The following FRMPD4 variants were observed in gnomAD, a reference collection of about 807,000 sequenced individuals.
FRMPD4 encodes the protein FERM and PDZ domain containing 4, also known as FERM and PDZ domain-containing protein 4.
In FRMPD4, 22 loss-of-function variants were observed where a neutral mutation model predicts 94.1. That is an observed-to-expected ratio of 0.23 (90% CI 0.17 to 0.33). The LOEUF (loss-of-function observed/expected upper bound fraction) is 0.33. Among genes scored for constraint, FRMPD4 ranks in the 10% least tolerant of loss-of-function variants. The pLI is 1.00. For synonymous variants in FRMPD4, 631 were observed against 548.6 expected, an observed-to-expected ratio of 1.15 and a Z score of -2.10; for missense variants, 1,111 against 1,339.9, an observed-to-expected ratio of 0.83 and a Z score of 2.67.
At chrX:12,332,201 T>TAG (rs1407135134) in intron 1 of FRMPD4, among the ~76,000 whole-genome samples, 8 of 67,862 alleles carry the variant, frequency 1.2e-4, no homozygotes, top group East Asian at 7.1e-4. Flanking sequence ...TATATATATA[T>TAG]ATATATAGAG....
intron 1 of FRMPD4, among the ~76,000 whole-genome samples, chrX:12,364,219 G>A (rs1006829288): frequency 3.6e-5 from 4 of 111,507 alleles, no homozygotes; most frequent in African/African-American, 1.3e-4. Context: ...CAGATCAGGA[G>A]ATGACTGCCA....
chrX:12,706,932 T>TC lies in FRMPD4; in HGVS notation c.1287+17_1287+18insC, dbSNP rs2041886976. ...ACATTAGTGGTAATTTCTTTTTTTT[T>TC]TTTTTTTTTGCTTTCTCTTGGAAGC... On this transcript the variant is annotated intron_variant, in intron 12 of 16. Coordinates refer to ENST00000675598, the MANE Select transcript of FRMPD4 (RefSeq NM_001368397.1). 2.1e-6 allele frequency: 2 copies of TC among 959,881 alleles called. No homozygotes were observed. The highest frequency in any genetic ancestry group is 2.9e-6 in the Non-Finnish European group (2 of 689,855). 79.1% of individuals were successfully genotyped at this position (959,881 alleles called of 1,213,427 possible).
chrX:12,715,646 C>T (rs1222664639), intron 14 of FRMPD4, among the ~76,000 whole-genome samples: 2 of 112,265 alleles, frequency 1.8e-5, no homozygotes, highest in African/African-American at 6.5e-5. Flanking sequence ...TTAAATCTCA[C>T]CTTACAAGGA....
intron 2 of FRMPD4, among the ~76,000 whole-genome samples, chrX:11,871,511 A>G (rs2053756521): frequency 8.8e-6 from 1 of 113,021 alleles, no homozygotes; most frequent in African/African-American, 3.2e-5. Context: ...ATAATTGCTT[A>G]GTATAAGTAT....
At chrX:11,964,266 T>C (rs774770760) in intron 3 of FRMPD4, among the ~76,000 whole-genome samples, 180 of 109,725 alleles carry the variant, frequency 1.6e-3, no homozygotes, top group African/African-American at 5.7e-3. Context: ...TTCACGCCAA[T>C]CTCCTGCCTC....
chrX:12,684,444 T>C (rs1387828272), intron 6 of FRMPD4, among the ~76,000 whole-genome samples: 2 of 111,862 alleles, frequency 1.8e-5, no homozygotes, highest in Non-Finnish European at 3.8e-5. Flanking sequence ...CTATACATCC[T>C]GGGCAAGGCA....
intron 8 of FRMPD4, among the ~76,000 whole-genome samples, chrX:12,693,137 G>A (rs1003270755): frequency 2.7e-5 from 3 of 112,040 alleles, no homozygotes; most frequent in Non-Finnish European, 3.8e-5. Flanking sequence ...CACACACCAC[G>A]GGACTCAATA....
At chrX:12,072,425 T>A (rs1485023674) in intron 3 of FRMPD4, among the ~76,000 whole-genome samples, 1 of 111,816 alleles carries the variant, frequency 8.9e-6, no homozygotes, top group Non-Finnish European at 1.9e-5. Flanking sequence ...GCAATTATTT[T>A]GTCACCCGTA....
intron 10 of FRMPD4, among the ~76,000 whole-genome samples, chrX:12,702,498 G>A (rs2041805754): frequency 8.9e-6 from 1 of 111,806 alleles, no homozygotes; most frequent in Non-Finnish European, 1.9e-5. Context: ...CCTGTGTTTG[G>A]AAACACATGT....
Position 12,032,718 on chromosome X carries a change from A to C in FRMPD4, c.95+154700A>C, listed in dbSNP as rs1164127021. 2.7e-5 allele frequency among the ~76,000 whole-genome samples: 3 copies of C among 112,273 alleles called. No individual in the cohort carries two copies. The Admixed American group carries it at 2.8e-4, about 11-fold the overall frequency. ...TCTGGCATAAGCAAAACGATGATGG[A>C]AGTTGCTGGTAAATTTATGAATCTG... is the stretch of plus-strand genomic sequence containing the variant. On this transcript the variant is annotated intron_variant, in intron 3 of 18. Coordinates refer to the FRMPD4 transcript ENST00000640291.
chrX:12,720,005 G>GAAAGGAAAGA (rs1569078143), intron 16 of FRMPD4, among the ~76,000 whole-genome samples: 50 of 45,296 alleles, frequency 1.1e-3, no homozygotes, highest in Non-Finnish European at 1.6e-3. Flanking sequence ...GAAAGGAAAG[G>GAAAGGAAAGA]AAAGGAAAGG....
intron 1 of FRMPD4, among the ~76,000 whole-genome samples, chrX:12,407,439 G>T (rs1252877330): frequency 8.9e-6 from 1 of 111,923 alleles, no homozygotes; most frequent in Non-Finnish European, 1.9e-5. Flanking sequence ...GTGGACATGG[G>T]AAAGTCACTT....
chrX:12,271,811 G>A (rs1035546996), intron 1 of FRMPD4, among the ~76,000 whole-genome samples: 1 of 111,960 alleles, frequency 8.9e-6, no homozygotes, highest in African/African-American at 3.3e-5. Context: ...CCCAAACTTT[G>A]TGAGCATCAG....
chrX:12,357,070 A>G (rs1165857823), intron 1 of FRMPD4, among the ~76,000 whole-genome samples: 2 of 112,053 alleles, frequency 1.8e-5, no homozygotes, highest in Non-Finnish European at 3.8e-5. Context: ...CCATTTCTCC[A>G]ATCCTGGCTA....
intron 1 of FRMPD4, among the ~76,000 whole-genome samples, chrX:12,468,001 C>T (rs1031457399): frequency 1.8e-5 from 2 of 111,968 alleles, no homozygotes; most frequent in African/African-American, 6.5e-5. Context: ...ATGAAAAGGT[C>T]CATTTTGTCC....
At chrX:12,199,899 A>G (rs906697636) in intron 1 of FRMPD4, among the ~76,000 whole-genome samples, 3 of 111,121 alleles carry the variant, frequency 2.7e-5, no homozygotes, top group Admixed American at 9.6e-5. Flanking sequence ...AGATGAAATC[A>G]TAAGTTGCTG....
At chrX:11,855,577 A>G (rs2053649233) in intron 1 of FRMPD4, among the ~76,000 whole-genome samples, 3 of 112,275 alleles carry the variant, frequency 2.7e-5, no homozygotes, top group Admixed American at 9.4e-5. Context: ...TCTCTAGGGC[A>G]GGGGCAAAAT....
chrX:12,201,020 T>C (rs1395307230), intron 1 of FRMPD4, among the ~76,000 whole-genome samples: 1 of 112,225 alleles, frequency 8.9e-6, no homozygotes, highest in African/African-American at 3.2e-5. Context: ...GCAACATAGT[T>C]CAAAGGCAAT....
intron 1 of FRMPD4, among the ~76,000 whole-genome samples, chrX:12,335,361 C>G (rs2055500830): frequency 9.0e-6 from 1 of 111,560 alleles, no homozygotes; most frequent in African/African-American, 3.3e-5. Flanking sequence ...CTCCTGTACT[C>G]AAGCCATCCT....
Sources: allele counts gnomAD v4.1 joint callset (sites outside exome capture counted in the v4.1 genomes callset), GRCh38; gene constraint gnomAD v4.1.1; transcripts MANE v1.5; gene names NCBI Gene and HGNC (gene_info 2026-07-23, HGNC 2026-07-21).